The following PAK5 variants were observed in gnomAD, a reference collection of about 807,000 sequenced individuals.
The protein encoded by PAK5 is serine/threonine-protein kinase PAK 5.
In PAK5, 16 loss-of-function variants were observed where a neutral mutation model predicts 65.9. That is an observed-to-expected ratio of 0.24 (90% CI 0.16 to 0.37). PAK5 has a LOEUF of 0.37. Ranked by LOEUF, PAK5 falls within the 10% of genes least tolerant of loss-of-function variation. The probability of loss-of-function intolerance (pLI) is 1.00; values close to 1 mark genes in which losing one functional copy is unlikely to be tolerated. For synonymous variants in PAK5, 371 were observed against 354.9 expected (o/e 1.05, Z -0.51); for missense variants, 785 against 903.9 (o/e 0.87, Z 1.69).
intron 2 of PAK5, among the ~76,000 whole-genome samples, chr20:9,659,153 A>C (rs1411124808): frequency 6.6e-6 from 1 of 152,212 alleles, no homozygotes; most frequent in East Asian, 1.9e-4. Flanking sequence ...GCATGTGTAC[A>C]CACAGCTGGC....
chr20:9,831,598 C>A (rs1197115499), intron 1 of PAK5, among the ~76,000 whole-genome samples: 1 of 152,208 alleles, frequency 6.6e-6, no homozygotes, highest in Non-Finnish European at 1.5e-5. Context: ...ACCTCCACTT[C>A]ATGGGCTCAG....
chr20:9,676,787 A>G (rs6140995), intron 2 of PAK5, among the ~76,000 whole-genome samples: 64,375 of 151,976 alleles, frequency 0.42, 14,083 homozygotes, highest in East Asian at 0.72. Context: ...AATACCCAGA[A>G]GGACAAAGAA....
chr20:9,789,598 T>C (rs2049028121), intron 1 of PAK5, among the ~76,000 whole-genome samples: 1 of 152,158 alleles, frequency 6.6e-6, no homozygotes, highest in Non-Finnish European at 1.5e-5. Context: ...AAGCTAGACC[T>C]ATTTCAGACC....
At chr20:9,741,572 T>A (rs2048451397) in intron 1 of PAK5, among the ~76,000 whole-genome samples, 1 of 152,168 alleles carries the variant, frequency 6.6e-6, no homozygotes, top group South Asian at 2.1e-4. Context: ...TGACCCCTTT[T>A]AGCCTCAATT....
At chr20:9,626,073 C>G (rs1346372139) in intron 3 of PAK5, among the ~76,000 whole-genome samples, 2 of 152,112 alleles carry the variant, frequency 1.3e-5, no homozygotes, top group Admixed American at 6.5e-5. Context: ...GATTCAAAGA[C>G]TCGACCTTTA....
At chr20:9,763,902 A>T (rs1191035150) in intron 1 of PAK5, among the ~76,000 whole-genome samples, 1 of 152,166 alleles carries the variant, frequency 6.6e-6, no homozygotes, top group Non-Finnish European at 1.5e-5. Context: ...ATATATGCGT[A>T]TCCTTTTTTT....
At chr20:9,675,134 G>A (rs908720865) in intron 2 of PAK5, among the ~76,000 whole-genome samples, 1 of 152,172 alleles carries the variant, frequency 6.6e-6, no homozygotes, top group Non-Finnish European at 1.5e-5. Flanking sequence ...CTCAGACTGA[G>A]AATTGCAAGG....
At chr20:9,550,523 G>A (rs1429730411) in intron 7 of PAK5, among the ~76,000 whole-genome samples, 1 of 152,102 alleles carries the variant, frequency 6.6e-6, no homozygotes, top group African/African-American at 2.4e-5. Flanking sequence ...GGGAGTAGGT[G>A]GTGGTTAAAT....
chr20:9,585,039 A>G (rs1431543425), intron 3 of PAK5, among the ~76,000 whole-genome samples: 1 of 152,206 alleles, frequency 6.6e-6, no homozygotes, highest in Non-Finnish European at 1.5e-5. Context: ...CAAAAATCTT[A>G]TCTTATCCAG....
chr20:9,648,908 A>G (rs1336270982), intron 2 of PAK5, among the ~76,000 whole-genome samples: 1 of 152,146 alleles, frequency 6.6e-6, no homozygotes, highest in African/African-American at 2.4e-5. Flanking sequence ...GAGAAATTAC[A>G]AACTGTGTCA....
At position 9,539,213 on chromosome 20, in the gene PAK5, G is replaced by A. The variant is rs560014090; in HGVS notation, c.*249C>T. ...GAGTCCTTCTGATTTGCTGGATGAA[G>A]GGCTGAAAAATATAATAATGACTTA... On this transcript the variant is annotated 3_prime_UTR_variant, in exon 10 of 10. Transcript: ENST00000353224. The A allele has an allele frequency of 2.6e-5, 10 of 391,702 alleles. No homozygotes were observed. The highest frequency in any genetic ancestry group is 1.8e-4 in the African/African-American group (9 of 51,182). 24.3% of individuals were successfully genotyped at this position (391,702 alleles called of 1,614,324 possible).
At chr20:9,638,919 G>C (rs1204227948) in intron 3 of PAK5, among the ~76,000 whole-genome samples, 2 of 152,134 alleles carry the variant, frequency 1.3e-5, no homozygotes, top group Non-Finnish European at 2.9e-5. Flanking sequence ...CACTTCCTCC[G>C]TTGACTGTTT....
At chr20:9,682,377 A>AC (rs2047662452) in intron 2 of PAK5, among the ~76,000 whole-genome samples, 2 of 152,104 alleles carry the variant, frequency 1.3e-5, no homozygotes, top group East Asian at 1.9e-4. Context: ...AAACAAACAA[A>AC]AAAACCTACT....
intron 3 of PAK5, among the ~76,000 whole-genome samples, chr20:9,616,685 T>C (rs756911672): frequency 4.8e-4 from 73 of 152,190 alleles, no homozygotes; most frequent in African/African-American, 1.6e-3. Flanking sequence ...AGGGTGATAA[T>C]ACACTGGGGT....
At chr20:9,626,332 T>C (rs1203948481) in intron 3 of PAK5, among the ~76,000 whole-genome samples, 1 of 152,206 alleles carries the variant, frequency 6.6e-6, no homozygotes, top group African/African-American at 2.4e-5. Flanking sequence ...TTCCAAACCA[T>C]ATGCCAAGGT....
At chr20:9,742,084 T>C (rs1315927087) in intron 1 of PAK5, among the ~76,000 whole-genome samples, 7 of 152,126 alleles carry the variant, frequency 4.6e-5, no homozygotes, top group African/African-American at 1.7e-4. Flanking sequence ...TAAGGTCATG[T>C]GCTATCCAAC....
chr20:9,768,071 A>G (rs1231568678), intron 1 of PAK5, among the ~76,000 whole-genome samples: 3 of 152,210 alleles, frequency 2.0e-5, no homozygotes, highest in Non-Finnish European at 4.4e-5. Context: ...GCAATTAGAC[A>G]CCAAAACTGA....
At chr20:9,795,384 A>G (rs115997945) in intron 1 of PAK5, among the ~76,000 whole-genome samples, 2 of 152,120 alleles carry the variant, frequency 1.3e-5, no homozygotes, top group South Asian at 4.1e-4. Flanking sequence ...AAATATTTAA[A>G]TGTCTTTAAA....
chr20:9,620,767 C>G (rs2046753186), intron 3 of PAK5, among the ~76,000 whole-genome samples: 1 of 152,048 alleles, frequency 6.6e-6, no homozygotes, highest in African/African-American at 2.4e-5. Context: ...GAGAGGGCTT[C>G]CTCCGTGCAT....
Sources: gnomAD v4.1 joint callset for allele counts (sites outside exome capture counted in the v4.1 genomes callset) on GRCh38, gnomAD v4.1.1 for gene constraint, MANE v1.5 for transcripts, NCBI Gene and HGNC (gene_info 2026-07-23, HGNC 2026-07-21) for gene names.